SH3BGRL2: variants seen among roughly 807,000 people sequenced by gnomAD.
SH3BGRL2 encodes SH3 domain-binding glutamic acid-rich-like protein 2.
A neutral mutation model predicts 14.8 loss-of-function variants in SH3BGRL2; 21 were observed. The observed-to-expected ratio is 1.42, with a 90% CI of 1.01 to 2.05. The LOEUF (loss-of-function observed/expected upper bound fraction) is 2.05, where lower values mean the gene tolerates loss of function less well. Among genes scored for constraint, SH3BGRL2 ranks in the 30% most tolerant of loss-of-function variants. SH3BGRL2 has a pLI of 0.00. For missense variants in SH3BGRL2, 147 were observed against 130.8 expected, an observed-to-expected ratio of 1.12 and a Z score of -0.61; for synonymous variants, 50 against 47.8, an observed-to-expected ratio of 1.05 and a Z score of -0.19.
chr6:79,607,292 G>T, the SH3BGRL2 span, among the ~76,000 whole-genome samples: 49 of 152,220 alleles, frequency 3.2e-4, 1 homozygote, highest in South Asian at 0.01. Flanking sequence ...AAGTCTAGTG[G>T]CCAGATCCAG....
At chr6:79,671,427 C>T (rs1243030258) in intron 1 of SH3BGRL2, among the ~76,000 whole-genome samples, 1 of 152,156 alleles carries the variant, frequency 6.6e-6, no homozygotes, top group Non-Finnish European at 1.5e-5. Flanking sequence ...CCAGCCTGTG[C>T]AACAAGAGTG....
chr6:79,596,402 A>C, the SH3BGRL2 span, among the ~76,000 whole-genome samples: 1 of 149,934 alleles, frequency 6.7e-6, no homozygotes, highest in African/African-American at 2.5e-5. Flanking sequence ...TCAAACGATC[A>C]TCCCACCTCA....
chr6:79,540,379 G>A, the SH3BGRL2 span, among the ~76,000 whole-genome samples: 1 of 152,064 alleles, frequency 6.6e-6, no homozygotes. Flanking sequence ...AGGTTGCAGT[G>A]AGCCGAGATC....
intron 1 of SH3BGRL2, among the ~76,000 whole-genome samples, chr6:79,635,890 A>G (rs775123521): frequency 3.3e-5 from 5 of 152,202 alleles, no homozygotes; most frequent in Non-Finnish European, 7.3e-5. Context: ...ACACACAATT[A>G]CCAGGTAAGG....
Position 79,680,586 on chromosome 6 carries a change from A to T in SH3BGRL2, c.231+6787A>T, listed in dbSNP as rs550512397. Among the ~76,000 whole-genome samples, 486 of 152,098 alleles carry T rather than the reference A, an allele frequency of 3.2e-3. 3 individuals are homozygous for T. The highest frequency in any genetic ancestry group is 0.011 in the African/African-American group (454 of 41,508). ...GTTGATTTGCCATATCAATTTTAGG[A>T]TGATTTTTTTTTCTATTTCTGCAAA... On this transcript the variant is annotated intron_variant, in intron 2 of 3. Coordinates refer to ENST00000369838, the MANE Select transcript of SH3BGRL2 (RefSeq NM_031469.4).
chr6:79,606,942 A>G, the SH3BGRL2 span, among the ~76,000 whole-genome samples: 1 of 152,150 alleles, frequency 6.6e-6, no homozygotes, highest in Non-Finnish European at 1.5e-5. Flanking sequence ...TAAAAGGAAA[A>G]CATACTTTGC....
the SH3BGRL2 span, among the ~76,000 whole-genome samples, chr6:79,587,197 T>G: frequency 6.6e-6 from 1 of 152,168 alleles, no homozygotes; most frequent in South Asian, 2.1e-4. Context: ...AATCAGAACT[T>G]TTTTCCTCTA....
At chr6:79,653,019 A>C (rs1473782626) in intron 1 of SH3BGRL2, among the ~76,000 whole-genome samples, 2 of 152,196 alleles carry the variant, frequency 1.3e-5, no homozygotes, top group Admixed American at 1.3e-4. Context: ...AAAATCAATT[A>C]AGAAAAAAAC....
intron 2 of SH3BGRL2, among the ~76,000 whole-genome samples, chr6:79,679,234 G>A (rs145190940): frequency 6.6e-6 from 1 of 152,190 alleles, no homozygotes; most frequent in African/African-American, 2.4e-5. Flanking sequence ...TACCAACAGT[G>A]TATAGGCCTT....
the SH3BGRL2 span, among the ~76,000 whole-genome samples, chr6:79,623,560 G>A: frequency 6.6e-6 from 1 of 152,272 alleles, no homozygotes; most frequent in South Asian, 2.1e-4. Context: ...ACAGACTAGA[G>A]TGATATCTGC....
At chr6:79,559,335 T>C in the SH3BGRL2 span, among the ~76,000 whole-genome samples, 1 of 152,020 alleles carries the variant, frequency 6.6e-6, no homozygotes, top group Non-Finnish European at 1.5e-5. Flanking sequence ...CTGGGCACGG[T>C]GGTTGGTGAG....
the SH3BGRL2 span, among the ~76,000 whole-genome samples, chr6:79,590,424 G>GAGAT: frequency 3.4e-4 from 23 of 66,684 alleles, 2 homozygotes; most frequent in African/African-American, 1.5e-3. Flanking sequence ...AAGAAAATGT[G>GAGAT]ATATATATAT....
At chr6:79,638,118 G>A (rs942115060) in intron 1 of SH3BGRL2, among the ~76,000 whole-genome samples, 1 of 151,962 alleles carries the variant, frequency 6.6e-6, no homozygotes, top group Middle Eastern at 3.2e-3. Flanking sequence ...TCTTTGTGTT[G>A]GGAATATTCA....
chr6:79,598,556 G>A, the SH3BGRL2 span, among the ~76,000 whole-genome samples: 159 of 152,174 alleles, frequency 1.0e-3, no homozygotes, highest in Middle Eastern at 0.027. Flanking sequence ...TCCACAGTAA[G>A]TAATCTATAG....
At chr6:79,624,039 A>G in the SH3BGRL2 span, among the ~76,000 whole-genome samples, 2 of 152,138 alleles carry the variant, frequency 1.3e-5, no homozygotes, top group Non-Finnish European at 2.9e-5. Flanking sequence ...TAGTTTCTGA[A>G]TTCAACAATA....
chr6:79,629,149 G>C (rs546983122), upstream of SH3BGRL2, among the ~76,000 whole-genome samples: 1 of 152,344 alleles, frequency 6.6e-6, no homozygotes, highest in African/African-American at 2.4e-5. Context: ...AGGACCCTTA[G>C]ATTACAGTAT....
chr6:79,676,639 GTATA>G (rs370591320), intron 2 of SH3BGRL2, among the ~76,000 whole-genome samples: 6,611 of 137,432 alleles, frequency 0.048, 165 homozygotes, highest in South Asian at 0.085. Context: ...GTGTGTGTGT[GTATA>G]TATATATAAT....
the SH3BGRL2 span, among the ~76,000 whole-genome samples, chr6:79,577,321 T>A: frequency 1.1e-4 from 17 of 151,802 alleles, no homozygotes; most frequent in East Asian, 2.5e-3. Context: ...TCTTCTCCTT[T>A]TTTCTCCTCT....
At chr6:79,591,913 CG>C in the SH3BGRL2 span, among the ~76,000 whole-genome samples, 1 of 152,006 alleles carries the variant, frequency 6.6e-6, no homozygotes, top group East Asian at 1.9e-4. Context: ...ATAATGATGA[CG>C]TTGAAAGATT....
Sources: allele counts gnomAD v4.1 joint callset (sites outside exome capture counted in the v4.1 genomes callset), GRCh38; gene constraint gnomAD v4.1.1; transcripts MANE v1.5; gene names NCBI Gene and HGNC (gene_info 2026-07-23, HGNC 2026-07-21).